Variants in CSMD2 observed in about 807,000 individuals in gnomAD.
CSMD2 encodes the protein CUB and Sushi multiple domains 2, also known as CUB and sushi domain-containing protein 2.
A neutral mutation model predicts 398.5 loss-of-function variants in CSMD2; 130 were observed. The observed-to-expected ratio is 0.33, with a 90% confidence interval of 0.28 to 0.38. CSMD2 has a LOEUF of 0.38. Ranked by LOEUF, CSMD2 falls within the 10% of genes least tolerant of loss-of-function variation. The probability of loss-of-function intolerance (pLI) is 1.00; values close to 1 mark genes in which losing one functional copy is unlikely to be tolerated. For synonymous variants in CSMD2, 1,828 were observed against 1,908.5 expected (o/e 0.96, Z 1.10); for missense variants, 3,829 against 4,764.9 (o/e 0.80, Z 5.78).
At chr1:33,962,160 C>T (rs903751944) in intron 3 of CSMD2, among the ~76,000 whole-genome samples, 2 of 152,326 alleles carry the variant, frequency 1.3e-5, no homozygotes, top group Middle Eastern at 3.4e-3. Context: ...AGGACTCGTA[C>T]TGCAGGGCCA....
At chr1:33,680,699 C>T (rs1480453379) in intron 25 of CSMD2, among the ~76,000 whole-genome samples, 3 of 152,086 alleles carry the variant, frequency 2.0e-5, no homozygotes, top group Non-Finnish European at 4.4e-5. Flanking sequence ...TCTCTTTTCC[C>T]TACATGAGGC....
chr1:33,592,973 A>G (rs1639574325), intron 44 of CSMD2, among the ~76,000 whole-genome samples: 1 of 152,008 alleles, frequency 6.6e-6, no homozygotes, highest in African/African-American at 2.4e-5. Flanking sequence ...AATTATCATG[A>G]CATATGTGTA....
intron 12 of CSMD2, among the ~76,000 whole-genome samples, chr1:33,772,980 T>C (rs1301960242): frequency 1.3e-5 from 2 of 152,232 alleles, no homozygotes; most frequent in Non-Finnish European, 2.9e-5. Flanking sequence ...ATCAAGTGCC[T>C]GAGACTCTGT....
intron 3 of CSMD2, among the ~76,000 whole-genome samples, chr1:33,954,156 C>G (rs934052845): frequency 1.3e-5 from 2 of 152,156 alleles, no homozygotes; most frequent in Admixed American, 1.3e-4. Flanking sequence ...AACCCCCTCC[C>G]CTGAGAGTCG....
At chr1:33,900,339 A>G (rs1642664013) in intron 5 of CSMD2, among the ~76,000 whole-genome samples, 1 of 152,218 alleles carries the variant, frequency 6.6e-6, no homozygotes, top group African/African-American at 2.4e-5. Flanking sequence ...AAGAAAATGA[A>G]TTAGATCCCA....
Position 33,532,574 on chromosome 1 carries a change from C to T in CSMD2, c.10171+476G>A, listed in dbSNP as rs184639551. On this transcript the variant is annotated intron_variant, in intron 64 of 70. Coordinates refer to ENST00000373381, the MANE Select transcript of CSMD2 (RefSeq NM_001281956.2). ...AATCTGATAACGTGTCTGTCTTCCA[C>T]ATGGCAGGGTTGTGTCTTTCCCCTC... is the stretch of plus-strand genomic sequence containing the variant. 1.4e-3 allele frequency among the ~76,000 whole-genome samples: 209 copies of T among 152,338 alleles called. 3 individuals carry two copies. The highest frequency in any genetic ancestry group is 2.0e-3 in the Admixed American group (30 of 15,308).
intron 13 of CSMD2, among the ~76,000 whole-genome samples, chr1:33,762,774 C>G (rs542464307): frequency 1.3e-5 from 2 of 152,272 alleles, no homozygotes; most frequent in South Asian, 4.1e-4. Flanking sequence ...AAAGCACATG[C>G]TTATCTTACT....
chr1:33,821,770 C>T (rs1019767564), intron 7 of CSMD2, among the ~76,000 whole-genome samples: 11 of 152,160 alleles, frequency 7.2e-5, no homozygotes, highest in African/African-American at 2.4e-4. Context: ...ACCACGGAAG[C>T]GGACTGTGGG....
At chr1:34,105,278 T>C (rs566984559) in intron 1 of CSMD2, among the ~76,000 whole-genome samples, 2 of 152,282 alleles carry the variant, frequency 1.3e-5, no homozygotes, top group South Asian at 4.1e-4. Context: ...ATATAGGATG[T>C]TTAGCAGCGT....
In CSMD2 at chr1:33,635,828, G is replaced by A. The variant is rs1405821557; in HGVS notation, c.4970-498C>T. On this transcript the variant is annotated intron_variant, in intron 30 of 70. Transcript: ENST00000373381. The surrounding 1 kb of genome is among the most constrained non-coding windows in gnomAD (Gnocchi z 5.0). ...AGGTGCCCAATTTCCACAAGGGGCG[G>A]GTCTGAGCCTGCCTCTCTTACCATG... Among the ~76,000 whole-genome samples, 1 of 152,086 alleles carries A rather than the reference G, an allele frequency of 6.6e-6. No individual in the cohort carries two copies. Among genetic ancestry groups the A allele is most frequent in the East Asian group, 1.9e-4 (1 of 5,172 alleles).
chr1:34,064,885 G>A (rs895363299), intron 2 of CSMD2, among the ~76,000 whole-genome samples: 1 of 152,170 alleles, frequency 6.6e-6, no homozygotes, highest in African/African-American at 2.4e-5. Context: ...TTCTTACATG[G>A]TGGCAACAAG....
At chr1:33,602,962 G>A (rs1640326843) in intron 42 of CSMD2, among the ~76,000 whole-genome samples, 1 of 152,206 alleles carries the variant, frequency 6.6e-6, no homozygotes, top group Admixed American at 6.5e-5. Flanking sequence ...TCTTTGATCT[G>A]CTCTTTCTAG....
At chr1:33,735,740 G>A (rs1646864811) in intron 15 of CSMD2, among the ~76,000 whole-genome samples, 1 of 152,152 alleles carries the variant, frequency 6.6e-6, no homozygotes, top group Non-Finnish European at 1.5e-5. Context: ...AAAGCTAAGT[G>A]GCTCTTAGCA....
rs373180506 is a variant in CSMD2, at chr1:33,625,278, G to T, written c.5297-24C>A. ...CGCTGTGGGGGACAAGGGCACTGAG[G>T]GGAGGCCTCACCCCTCAGAAACTGG... On this transcript the variant is annotated intron_variant, in intron 33 of 70. Transcript: ENST00000373381. 5 of 1,595,592 alleles carry T rather than the reference G, an allele frequency of 3.1e-6. No individual in the cohort carries two copies. In the African/African-American group the frequency reaches 6.7e-5, roughly 21 times the overall value.
chr1:33,690,438 C>T (rs551021014), intron 25 of CSMD2, among the ~76,000 whole-genome samples: 1 of 152,334 alleles, frequency 6.6e-6, no homozygotes, highest in South Asian at 2.1e-4. Context: ...TGTGCCACCA[C>T]CTTGTTCTGG....
At chr1:33,602,273 G>A (rs909219736) in intron 43 of CSMD2, 96 bp downstream of exon 43, 1 of 1,356,296 alleles carries the variant, frequency 7.4e-7, no homozygotes, top group Non-Finnish European at 1.0e-6. Flanking sequence ...TTCACCTCTT[G>A]GTTTTTCTAA....
chr1:34,128,781 G>A (rs553492850), intron 1 of CSMD2, among the ~76,000 whole-genome samples: 12 of 152,196 alleles, frequency 7.9e-5, no homozygotes, highest in Admixed American at 7.2e-4. Context: ...CAGGAGGGGC[G>A]TCGTCCCTAA....
At chr1:33,983,980 C>T (rs1646259171) in intron 3 of CSMD2, among the ~76,000 whole-genome samples, 1 of 152,094 alleles carries the variant, frequency 6.6e-6, no homozygotes, top group Non-Finnish European at 1.5e-5. Context: ...TGGTGAAACC[C>T]TGTCTCTACT....
intron 5 of CSMD2, chr1:33,864,810 A>C: frequency 1.8e-5 from 25 of 1,427,428 alleles, no homozygotes; most frequent in Non-Finnish European, 2.3e-5. Flanking sequence ...TCCTGGTCTC[A>C]TGTGTGGCAT....
Sources: gnomAD v4.1 joint callset for allele counts (sites outside exome capture counted in the v4.1 genomes callset) on GRCh38, gnomAD v4.1.1 for gene constraint, Gnocchi (gnomAD v3.1) non-coding constraint, MANE v1.5 for transcripts, NCBI Gene and HGNC (gene_info 2026-07-23, HGNC 2026-07-21) for gene names.